The following THBS3 variants were observed in gnomAD, a reference collection of about 807,000 sequenced individuals.
THBS3 encodes thrombospondin-3.
THBS3 carries 78 observed loss-of-function variants against 118.3 expected under a neutral mutation model. That is an observed-to-expected ratio of 0.66 (90% CI 0.55 to 0.80). The LOEUF is 0.80. THBS3 is among the 30% of genes least tolerant of loss of function. The pLI is 0.00. For synonymous variants in THBS3, 427 were observed against 475.3 expected (o/e 0.90, Z 1.32); for missense variants, 1,057 against 1,247.4 (o/e 0.85, Z 2.30).
rs1669089558 is a variant in THBS3, at chr1:155,198,581, G to A, written c.1902C>T (p.Asp634=). 6.2e-7 allele frequency: 1 copy of A among 1,614,010 alleles called. No homozygotes were observed. The highest frequency in any genetic ancestry group is 8.5e-7 in the Non-Finnish European group (1 of 1,180,010). ...NEDSDGDGHQ[D]TKDNCPQLPN... ...GCAGCTGTGGGCAGTTGTCCTTGGT[G>A]TCCTGATGCCCATCCCCATCGCTAA... Residue 634 remains aspartate, a synonymous_variant, in exon 17 of 23, where the codon GAC becomes GAT. Coordinates refer to ENST00000368378, the MANE Select transcript of THBS3 (RefSeq NM_007112.5).
chr1:155,198,867 C>T, intron 16 of THBS3: 1 of 382,146 alleles, frequency 2.6e-6, no homozygotes, highest in Non-Finnish European at 4.7e-6. Context: ...TGCCTGTATT[C>T]CCAGTACTTT....
Position 155,203,507 on chromosome 1 carries a change from A to T in THBS3, c.673+6T>A, listed in dbSNP as rs1484926229. The T allele has an allele frequency of 6.2e-7, 1 of 1,613,532 alleles. No homozygotes were observed. ...CCCCGCTTCCGCTTCAGTGTGGCCT[A>T]CTCACCTAGAATGGAGTGCAGTGCA... On this transcript the variant is annotated splice_donor_region_variant and intron_variant, in intron 5 of 22. Transcript: ENST00000368378.
At chr1:155,203,591 G>T in intron 4 of THBS3, 52 bp from the exon 5 acceptor site, 2 of 1,606,024 alleles carry the variant, frequency 1.2e-6, no homozygotes, top group African/African-American at 1.3e-5. Flanking sequence ...GTGAAGAGAG[G>T]CCTGGTTGGT....
rs1205611454 is a variant in THBS3, at chr1:155,201,968, T to C, written c.1165A>G (p.Thr389Ala). The change falls in exon 10 of 23, where the codon ACC becomes GCC. Residue 389 changes from threonine (T) to alanine (A), a missense_variant. This residue lies in a region of THBS3 where 544 missense variants were observed against 715.6 expected (regional missense o/e 0.76). Transcript: ENST00000368378. ...GATATTCAGCTCACCACAGTGTTGG[T>C]GCAGATGGAGTTTGGGTCACAGCCA... ...NGGCDPNSICTNTVGSFKCGP... is the reference protein window; with the variant it reads ...NGGCDPNSICANTVGSFKCGP... The C allele has an allele frequency of 6.2e-7, 1 of 1,614,020 alleles. No homozygotes were observed. Among genetic ancestry groups the C allele is most frequent in the Non-Finnish European group, 8.5e-7 (1 of 1,180,000 alleles).
Position 155,198,473 on chromosome 1 carries a change from A to ATTG in THBS3, c.2009_2010insCAA (p.Asp670_Tyr671insAsn), listed in dbSNP as rs768751683. 6.2e-7 allele frequency: 1 copy of ATTG among 1,614,142 alleles called. No individual in the cohort carries two copies. The highest frequency in any genetic ancestry group is 8.5e-7 in the Non-Finnish European group (1 of 1,180,014). On this transcript the variant is annotated inframe_insertion, in exon 17 of 23. Transcript: ENST00000368378. ...AGTTATCGGGACCAGGAGGCACATA[A>ATTG]TCTGGGATGCCATCATTGTCATCAT...
chr1:155,200,721 A>G (rs1370662278), intron 13 of THBS3, 111 bp from the exon 14 acceptor site: 1 of 1,559,718 alleles, frequency 6.4e-7, no homozygotes, highest in African/African-American at 1.4e-5. Context: ...GTGATGGACA[A>G]ACTGCTCAGT....
intron 4 of THBS3, among the ~76,000 whole-genome samples, chr1:155,204,317 C>T (rs1670230169): frequency 6.6e-6 from 1 of 151,618 alleles, no homozygotes; most frequent in Non-Finnish European, 1.5e-5. Flanking sequence ...AGGCCGGGCG[C>T]GGTGGCTTAC....
At chr1:155,205,352 C>T (rs1373266652) in intron 2 of THBS3, 36 bp from the exon 3 acceptor site, 1 of 1,596,918 alleles carries the variant, frequency 6.3e-7, no homozygotes, top group East Asian at 2.2e-5. Context: ...GGCGCTATCC[C>T]CCACCCCCTG....
upstream of THBS3, chr1:155,207,967 C>A: frequency 1.7e-6 from 2 of 1,211,546 alleles, no homozygotes; most frequent in Non-Finnish European, 1.2e-6. Context: ...GGCGGAGGGA[C>A]AGAATTGGAG....
At chr1:155,203,647 A>G in intron 4 of THBS3, 108 bp from the exon 5 acceptor site, 1 of 1,400,412 alleles carries the variant, frequency 7.1e-7, no homozygotes, top group Non-Finnish European at 1.0e-6. Flanking sequence ...CTGGAGCCCC[A>G]GAATAAAGAT....
Position 155,206,679 on chromosome 1 carries a change from GA to G in THBS3, c.80-274del, listed in dbSNP as rs1022034823. On this transcript the variant is annotated intron_variant, in intron 1 of 22. Coordinates refer to ENST00000368378, the MANE Select transcript of THBS3 (RefSeq NM_007112.5). The surrounding 1 kb of genome is among the most constrained non-coding windows in gnomAD (Gnocchi z 4.2). ...AAAATACAAAAACAACAACAAAAAA[GA>G]AAAAAAAACCACCTAGCCGGGCGTG... 1.3e-5 allele frequency among the ~76,000 whole-genome samples: 2 copies of G among 149,788 alleles called. No individual in the cohort carries two copies. The highest frequency in any genetic ancestry group is 2.5e-5 in the African/African-American group (1 of 40,780).
intron 15 of THBS3, 44 bp downstream of exon 15, chr1:155,199,951 A>G (rs1439910636): frequency 1.9e-6 from 3 of 1,608,630 alleles, no homozygotes; most frequent in East Asian, 2.2e-5. Context: ...GGCTTCATCC[A>G]TCAGTACCCT....
chr1:155,208,663 C>T (rs919120807), upstream of THBS3: 1 of 923,702 alleles, frequency 1.1e-6, no homozygotes, highest in Non-Finnish European at 1.6e-6. Flanking sequence ...GTCACCTAAG[C>T]GACAGCCTGC....
rs199781658 is a variant in THBS3 at position 155,203,510 on chromosome 1, C to G, written c.673+3G>C. ...CGCTTCCGCTTCAGTGTGGCCTACT[C>G]ACCTAGAATGGAGTGCAGTGCATTG... is the stretch of plus-strand genomic sequence containing the variant. On this transcript the variant is annotated splice_donor_region_variant and intron_variant, in intron 5 of 22. Coordinates refer to ENST00000368378, the MANE Select transcript of THBS3 (RefSeq NM_007112.5). 12 of 1,613,686 alleles carry G rather than the reference C, an allele frequency of 7.4e-6. No homozygotes were observed. Among genetic ancestry groups the G allele is most frequent in the Non-Finnish European group, 1.0e-5 (12 of 1,179,930 alleles).
Position 155,198,524 on chromosome 1 carries a change from A to G in THBS3, c.1959T>C (p.Asp653=), listed in dbSNP as rs1374269094. 2 of 1,614,196 alleles carry G rather than the reference A, an allele frequency of 1.2e-6. No homozygotes were observed. The highest frequency in any genetic ancestry group is 1.7e-5 in the Admixed American group (1 of 60,030). The change falls in exon 17 of 23, where the codon GAT becomes GAC. Residue 653 remains aspartate, a synonymous_variant. Transcript: ENST00000368378. The part of the protein sequence containing the change: ...PNSSQLDSDN[D]GLGDECDGDD... ...CCCCATCACACTCATCTCCAAGTCC[A>G]TCGTTATCAGAGTCCAGCTGGGAGC...
In THBS3 at chr1:155,202,393, G is replaced by C; in HGVS notation, c.966C>G (p.His322Gln). The change falls in exon 9 of 23, where the codon CAC (histidine) becomes CAG (glutamine). Residue 322 changes from histidine to glutamine, a missense_variant. His to Gln is a conservative substitution (Grantham distance 24). Around this residue, in one of 3 missense-constraint regions of THBS3, gnomAD observed 544 missense variants for 715.6 expected, o/e 0.76. Coordinates refer to ENST00000368378, the MANE Select transcript of THBS3 (RefSeq NM_007112.5). The surrounding 1 kb of genome is among the most constrained non-coding windows in gnomAD (Gnocchi z 5.5). ...TGGAGCCCGGGAAACAGGGGTCAGC[G>C]TGAGCACACTGGGGACCAGATGAGA... ...THCSDINECAHADPCFPGSSC... is the reference protein window; with the variant it reads ...THCSDINECAQADPCFPGSSC... 1 of 1,613,922 alleles carries C rather than the reference G, an allele frequency of 6.2e-7. No individual in the cohort carries two copies. Among genetic ancestry groups the C allele is most frequent in the Admixed American group, 1.7e-5 (1 of 60,006 alleles).
chr1:155,205,252 C>T lies in THBS3; in HGVS notation c.351G>A (p.Leu117=). 3 of 1,614,130 alleles carry T rather than the reference C, an allele frequency of 1.9e-6. No homozygotes were observed. Among genetic ancestry groups the T allele is most frequent in the South Asian group, 1.1e-5 (1 of 91,088 alleles). The change falls in exon 3 of 23, where the codon CTG becomes CTA. Residue 117 remains leucine, a synonymous_variant. Coordinates refer to ENST00000368378, the MANE Select transcript of THBS3 (RefSeq NM_007112.5). ...GAACTGTGTGTGTGCGCCCATCAGC[C>T]AGGCCCGCTTGCTGTAGGTTCACGG... is the stretch of plus-strand genomic sequence containing the variant. ...VHAVNLQQAG[L]ADGRTHTVLL...
rs755710642 is a variant in THBS3, at chr1:155,197,647, AAGG to A, written c.2312_2314del (p.Ala771_Phe772delinsVal). The A allele has an allele frequency of 4.6e-6, 5 of 1,078,748 alleles. No homozygotes were observed. Among genetic ancestry groups the A allele is most frequent in the Non-Finnish European group, 6.9e-6 (5 of 724,970 alleles). 66.8% of individuals were successfully genotyped at this position (1,078,748 alleles called of 1,614,324 possible). On this transcript the variant is annotated inframe_deletion, in exon 20 of 23. Transcript: ENST00000368378. The surrounding 1 kb of genome is among the most constrained non-coding windows in gnomAD (Gnocchi z 5.0). ...GGTGCCTTCAAAGTCCACACCATTG[AAGG>A]CCGTGTATCCTGGGGTGGGGGTGGG...
rs143240289 is a variant in THBS3 at position 155,206,320 on chromosome 1, T to C, written c.166A>G (p.Ile56Val). 2 of 1,614,046 alleles carry C rather than the reference T, an allele frequency of 1.2e-6. No individual in the cohort carries two copies. Among genetic ancestry groups the C allele is most frequent in the African/African-American group, 2.7e-5 (2 of 74,910 alleles). Residue 56 changes from isoleucine to valine, a missense_variant, in exon 2 of 23, where the codon ATC becomes GTC. Ile to Val is a conservative substitution (Grantham distance 29). Around this residue, in one of 3 missense-constraint regions of THBS3, gnomAD observed 206 missense variants for 205.7 expected, o/e 1.00. Coordinates refer to ENST00000368378, the MANE Select transcript of THBS3 (RefSeq NM_007112.5). This position sits in a 1 kb window ranked among gnomAD's most constrained non-coding sequence, Gnocchi z 4.2. ...AGGCGGAAGGTGGATAAGAGGTAGA[T>C]GTCCCCAGCAGTGAGCAAGGCTGTC... ...IRTALLTAGD[I>V]YLLSTFRLPP...
Sources: gnomAD v4.1 joint callset for allele counts (sites outside exome capture counted in the v4.1 genomes callset) on GRCh38, gnomAD v4.1.1 for gene constraint, gnomAD v4.1.1 regional missense constraint, Gnocchi (gnomAD v3.1) non-coding constraint, MANE v1.5 for transcripts, NCBI Gene and HGNC (gene_info 2026-07-23, HGNC 2026-07-21) for gene names.